Variants in TRIM52 observed in about 807,000 individuals in gnomAD.
The protein encoded by TRIM52 is tripartite motif containing 52, also known as E3 ubiquitin-protein ligase TRIM52.
In TRIM52, 24 loss-of-function variants were observed where a neutral mutation model predicts 27.0. The observed-to-expected ratio is 0.89, with a 90% CI of 0.64 to 1.25. The LOEUF is 1.25. Ranked by LOEUF, TRIM52 falls within the 50% of genes most tolerant of loss-of-function variation. The probability of loss-of-function intolerance (pLI) is 0.00; values close to 1 mark genes in which losing one functional copy is unlikely to be tolerated. For synonymous variants in TRIM52, 125 were observed against 126.5 expected, an observed-to-expected ratio of 0.99 and a Z score of 0.08; for missense variants, 351 against 354.7, an observed-to-expected ratio of 0.99 and a Z score of 0.08.
At chr5:181,258,167 G>C (rs1759865867) in intron 1 of TRIM52, 1 of 151,964 alleles carries the variant, frequency 6.6e-6, no homozygotes, top group African/African-American at 2.4e-5. Context: ...CCAGGTGGTG[G>C]ATCTCCTGAG....
downstream of TRIM52, among the ~76,000 whole-genome samples, chr5:181,253,201 A>G (rs1212286641): frequency 7.1e-6 from 1 of 140,506 alleles, no homozygotes; most frequent in Non-Finnish European, 1.5e-5. Flanking sequence ...ATGCCTGGCT[A>G]ATTTTGTATT....
intron 1 of TRIM52, chr5:181,257,362 G>T (rs1759825887): frequency 6.6e-7 from 1 of 1,525,944 alleles, no homozygotes; most frequent in Non-Finnish European, 8.8e-7. Context: ...TATATAAATG[G>T]AATCATATCC....
At chr5:181,251,513 T>C (rs1582307650), downstream of TRIM52, among the ~76,000 whole-genome samples, 1 of 152,276 alleles carries the variant, frequency 6.6e-6, no homozygotes, top group East Asian at 1.9e-4. Context: ...ATCCCCGAGG[T>C]GTCTATCTTT....
At chr5:181,257,169 A>G (rs1759817352) in intron 1 of TRIM52, 1 of 1,176,032 alleles carries the variant, frequency 8.5e-7, no homozygotes, top group African/African-American at 1.6e-5. Flanking sequence ...TCTTACTTTC[A>G]TAATTCTTTG....
At position 181,255,924 on chromosome 5, in the gene TRIM52, C is replaced by CA. The variant is rs1759757582; in HGVS notation, c.*884dup. Reference sequence around the variant, plus strand: ...GCAGAATCCGTTTTTCTTTGGCAACCAAGAAACTTCAATATGTAACAGAAA... The same window carrying CA: ...GCAGAATCCGTTTTTCTTTGGCAACCAAAGAAACTTCAATATGTAACAGAAA... On this transcript the variant is annotated 3_prime_UTR_variant, in exon 2 of 2. Transcript: ENST00000688015. The CA allele has an allele frequency of 1.3e-5, 2 of 152,260 alleles. No individual in the cohort carries two copies. Among genetic ancestry groups the CA allele is most frequent in the African/African-American group, 4.8e-5 (2 of 41,542 alleles). 9.4% of individuals were successfully genotyped at this position (152,260 alleles called of 1,614,324 possible).
intron 1 of TRIM52, chr5:181,257,135 G>C: frequency 9.1e-7 from 1 of 1,094,968 alleles, no homozygotes; most frequent in Non-Finnish European, 1.1e-6. Flanking sequence ...CCATTTAATG[G>C]TGCCCTTGGT....
At position 181,260,750 on chromosome 5, in the gene TRIM52, T is replaced by A. The variant is rs1453123268; in HGVS notation, c.64A>T (p.Ile22Phe). 6.2e-7 allele frequency: 1 copy of A among 1,613,812 alleles called. No individual in the cohort carries two copies. The highest frequency in any genetic ancestry group is 8.5e-7 in the Non-Finnish European group (1 of 1,179,842). The change falls in exon 1 of 2, where the codon ATC (isoleucine) becomes TTC (phenylalanine). Residue 22 changes from isoleucine to phenylalanine, a missense_variant. Transcript: ENST00000688015. The surrounding 1 kb of genome is among the most constrained non-coding windows in gnomAD (Gnocchi z 4.4). ...QTLQEEAVCA[I>F]CLDYFKDPVS... ...GGGTCCTTGAAGTAATCCAAGCAGA[T>A]GGCACACACCGCTTCCTCCTGAAGG...
At chr5:181,253,599 GT>G (rs1759686157), downstream of TRIM52, among the ~76,000 whole-genome samples, 1 of 142,970 alleles carries the variant, frequency 7.0e-6, no homozygotes, top group Non-Finnish European at 1.5e-5. Flanking sequence ...CATGTAGTGG[GT>G]AGAGTCCAGA....
downstream of TRIM52, among the ~76,000 whole-genome samples, chr5:181,251,541 G>T (rs1195948305): frequency 6.6e-6 from 1 of 152,168 alleles, no homozygotes; most frequent in South Asian, 2.1e-4. Flanking sequence ...CTTTGGGGGA[G>T]GGAGGAGGTG....
Position 181,255,456 on chromosome 5 carries a change from C to T in TRIM52, c.*1353G>A, listed in dbSNP as rs1759735643. The T allele has an allele frequency of 6.6e-6, 1 of 152,212 alleles. No homozygotes were observed. Among genetic ancestry groups the T allele is most frequent in the Admixed American group, 6.5e-5 (1 of 15,280 alleles). 9.4% of individuals were successfully genotyped at this position (152,212 alleles called of 1,614,324 possible). ...CAAAACCATTAGACTTTGAGTTTCA[C>T]AAACTCCTCTTGAAGCTCTTCCAGT... On this transcript the variant is annotated 3_prime_UTR_variant, in exon 2 of 2. Coordinates refer to ENST00000688015, the MANE Select transcript of TRIM52 (RefSeq NM_001346048.2).
downstream of TRIM52, among the ~76,000 whole-genome samples, chr5:181,251,394 G>A (rs977765573): frequency 6.6e-6 from 1 of 152,088 alleles, no homozygotes; most frequent in Admixed American, 6.6e-5. Context: ...GTTCTTAAAG[G>A]CTATTTTTAT....
At chr5:181,259,772 T>G (rs1363385830) in intron 1 of TRIM52, 1 of 859,956 alleles carries the variant, frequency 1.2e-6, no homozygotes, top group Non-Finnish European at 1.7e-6. Flanking sequence ...ACCGTCATAT[T>G]ATCTGTTCAG....
rs751444108 is a variant in TRIM52 at position 181,260,863 on chromosome 5, G to A, written c.-50C>T. On this transcript the variant is annotated 5_prime_UTR_variant, in exon 1 of 2. Transcript: ENST00000688015. This position sits in a 1 kb window ranked among gnomAD's most constrained non-coding sequence, Gnocchi z 4.4. ...ATACGTCAGCTTGGAGCTGAGGAGC[G>A]GGGACGCGCCTGCAGGCCTGCCTCC... 3.9e-6 allele frequency: 6 copies of A among 1,531,050 alleles called. No homozygotes were observed. The highest frequency in any genetic ancestry group is 5.3e-6 in the Non-Finnish European group (6 of 1,138,086). 94.8% of individuals were successfully genotyped at this position (1,531,050 alleles called of 1,614,324 possible).
At chr5:181,257,374 T>G in intron 1 of TRIM52, 2 of 1,567,368 alleles carry the variant, frequency 1.3e-6, no homozygotes, top group Non-Finnish European at 1.7e-6. Context: ...ATCATATCCT[T>G]AATGAACACC....
In TRIM52 at chr5:181,256,862, G is replaced by A. The variant is rs1355659496; in HGVS notation, c.814-3C>T. The A allele has an allele frequency of 2.0e-6, 2 of 985,276 alleles. No homozygotes were observed. The highest frequency in any genetic ancestry group is 2.4e-6 in the Non-Finnish European group (2 of 829,956). 61.0% of individuals were successfully genotyped at this position (985,276 alleles called of 1,614,324 possible). A position where few individuals can be genotyped will look rare whatever the true frequency, so the allele number is the denominator to read the frequency against. On this transcript the variant is annotated splice_region_variant and splice_polypyrimidine_tract_variant and intron_variant, in intron 1 of 1. Coordinates refer to ENST00000688015, the MANE Select transcript of TRIM52 (RefSeq NM_001346048.2). ...ACTGAAGAAGTTGACCCTATCTTCTGCAAAATAACATGAGTATATACTTGA... is the reference window on the plus strand; with the variant it reads ...ACTGAAGAAGTTGACCCTATCTTCTACAAAATAACATGAGTATATACTTGA...
Position 181,256,669 on chromosome 5 carries a change from G to C in TRIM52, c.*140C>G, listed in dbSNP as rs1759791370. On this transcript the variant is annotated 3_prime_UTR_variant, in exon 2 of 2. Transcript: ENST00000688015. ...TTTCTCCTTTGCAATTAAAAGGGCTGTTTAATATTAAGCTTTCACGGCTTG... is the reference window on the plus strand; with the variant it reads ...TTTCTCCTTTGCAATTAAAAGGGCTCTTTAATATTAAGCTTTCACGGCTTG... The C allele has an allele frequency of 2.1e-6, 1 of 478,478 alleles. No individual in the cohort carries two copies. Among genetic ancestry groups the C allele is most frequent in the South Asian group, 8.9e-5 (1 of 11,254 alleles). The allele number at this position is 478,478 out of a possible 1,614,324, so 29.6% of individuals were successfully genotyped here.
At chr5:181,259,560 A>T (rs1363120399) in intron 1 of TRIM52, 2 of 208,894 alleles carry the variant, frequency 9.6e-6, no homozygotes, top group South Asian at 7.7e-5. Flanking sequence ...CTACCAATAC[A>T]TCTATTTTGA....
Position 181,260,004 on chromosome 5 carries a change from G to C in TRIM52, c.810C>G (p.Tyr270Ter). 1.9e-6 allele frequency: 3 copies of C among 1,613,452 alleles called. No individual in the cohort carries two copies. Among genetic ancestry groups the C allele is most frequent in the Non-Finnish European group, 2.5e-6 (3 of 1,180,014 alleles). ...CACATTCCCTCATTTCTCTCACCTG[G>C]TACTCCTGCACCACCTCCTCCAAAG... ...VLPLEEVVQE[Y>*]QKIGSTSSVE... The change falls in exon 1 of 2, where the codon TAC becomes TAG. Residue 270 changes from tyrosine (Y) to a stop codon, truncating the protein, a stop_gained. Transcript: ENST00000688015. LOFTEE classifies it high-confidence loss of function. The surrounding 1 kb of genome is among the most constrained non-coding windows in gnomAD (Gnocchi z 4.4).
chr5:181,252,077 G>A (rs553332634), downstream of TRIM52, among the ~76,000 whole-genome samples: 1 of 152,180 alleles, frequency 6.6e-6, no homozygotes, highest in South Asian at 2.1e-4. Flanking sequence ...CTCCTGTCTC[G>A]TCACCCGTGT....
Sources: allele counts gnomAD v4.1 joint callset (sites outside exome capture counted in the v4.1 genomes callset), GRCh38; gene constraint gnomAD v4.1.1; non-coding constraint Gnocchi (gnomAD v3.1); transcripts MANE v1.5; gene names NCBI Gene and HGNC (gene_info 2026-07-23, HGNC 2026-07-21).